WNT9B: variants seen among roughly 807,000 people sequenced by gnomAD.
WNT9B encodes protein Wnt-9b.
Under a neutral mutation model 30.2 loss-of-function variants are expected in WNT9B, and 12 were observed. The ratio of observed to expected loss-of-function variants is 0.40; its 90% CI spans 0.26 to 0.64. WNT9B has a LOEUF of 0.64. WNT9B is among the 30% of genes least tolerant of loss of function. The pLI is 0.42. For synonymous variants in WNT9B, 218 were observed against 216.9 expected (o/e 1.01, Z -0.05); for missense variants, 442 against 485.2 (o/e 0.91, Z 0.84).
intron 1 of WNT9B, among the ~76,000 whole-genome samples, chr17:46,868,671 C>T (rs2085185163): frequency 6.6e-6 from 1 of 152,088 alleles, no homozygotes; most frequent in Admixed American, 6.5e-5. Flanking sequence ...CTAAGGAAGC[C>T]CACTTGAATT....
At chr17:46,845,704 G>A (rs1170028192) in intron 1 of WNT9B, among the ~76,000 whole-genome samples, 3 of 150,902 alleles carry the variant, frequency 2.0e-5, no homozygotes, top group African/African-American at 7.3e-5. Context: ...TGGCCAGGCT[G>A]CTCTCAAACT....
intron 1 of WNT9B, among the ~76,000 whole-genome samples, chr17:46,846,147 C>G (rs1264258674): frequency 6.6e-6 from 1 of 152,192 alleles, no homozygotes; most frequent in East Asian, 1.9e-4. Flanking sequence ...CCTATAACTA[C>G]TAGACAGAAC....
intron 1 of WNT9B, among the ~76,000 whole-genome samples, chr17:46,868,874 A>C (rs920429500): frequency 1.6e-4 from 25 of 152,218 alleles, no homozygotes; most frequent in Non-Finnish European, 5.9e-5. Flanking sequence ...TCTGGGGTCT[A>C]GGAAGATACC....
upstream of WNT9B, among the ~76,000 whole-genome samples, chr17:46,849,865 T>TTTTTTG (rs2084820022): frequency 6.6e-6 from 1 of 151,752 alleles, no homozygotes. Flanking sequence ...TTTTTTGTTT[T>TTTTTTG]GAGATGGAGT....
At position 46,878,847 on chromosome 17, in the gene WNT9B, G is replaced by C. The variant is rs950868878; in HGVS notation, c.*2129G>C. 3.9e-5 allele frequency among the ~76,000 whole-genome samples: 6 copies of C among 152,228 alleles called. No homozygotes were observed. The highest frequency in any genetic ancestry group is 2.1e-4 in the South Asian group (1 of 4,830). On this transcript the variant is annotated 3_prime_UTR_variant, in exon 4 of 4. Coordinates refer to ENST00000290015, the MANE Select transcript of WNT9B (RefSeq NM_003396.3). ...CTCTAAGGCATCTAGGCAGTGGCTG[G>C]CTGCTAACATGGACACCCCAAGTCA...
intron 1 of WNT9B, among the ~76,000 whole-genome samples, chr17:46,841,116 G>A (rs564054931): frequency 6.6e-6 from 1 of 152,152 alleles, no homozygotes. Flanking sequence ...CGACAGACAA[G>A]GCTCCTTGGA....
intron 1 of WNT9B, among the ~76,000 whole-genome samples, chr17:46,838,487 C>G (rs1306365049): frequency 6.6e-6 from 1 of 151,922 alleles, no homozygotes; most frequent in African/African-American, 2.4e-5. Context: ...ATTAGCTGGG[C>G]ATGGTGGTAT....
At chr17:46,873,103 CACACACA>C (rs937704924) in intron 2 of WNT9B, among the ~76,000 whole-genome samples, 2 of 151,016 alleles carry the variant, frequency 1.3e-5, no homozygotes, top group Non-Finnish European at 3.0e-5. Flanking sequence ...CACACACACA[CACACACA>C]CACACACACA....
chr17:46,836,473 T>C (rs559977389), intron 1 of WNT9B, among the ~76,000 whole-genome samples: 4 of 152,126 alleles, frequency 2.6e-5, no homozygotes, highest in African/African-American at 9.7e-5. Context: ...TGAATATCTT[T>C]GTGTTTTTTT....
In WNT9B at chr17:46,872,887, G is replaced by C. The variant is rs11654424; in HGVS notation, c.334+114G>C. On this transcript the variant is annotated intron_variant, in intron 2 of 3. Transcript: ENST00000290015. ...CTGGCTCCCGTGCCCAGGCCACACTGCCCTTCCTGCCCTAGCACGGTCCCA... is the reference window on the plus strand; with the variant it reads ...CTGGCTCCCGTGCCCAGGCCACACTCCCCTTCCTGCCCTAGCACGGTCCCA... 26 of 1,257,116 alleles carry C rather than the reference G, an allele frequency of 2.1e-5. No homozygotes were observed. The African/African-American group carries it at 3.8e-4, about 18-fold the overall frequency. The allele number at this position is 1,257,116 out of a possible 1,614,324, so 77.9% of individuals were successfully genotyped here. A position where few individuals can be genotyped will look rare whatever the true frequency, so the allele number is the denominator to read the frequency against.
intron 2 of WNT9B, among the ~76,000 whole-genome samples, chr17:46,874,288 G>A (rs1257987887): frequency 6.6e-6 from 1 of 152,202 alleles, no homozygotes; most frequent in African/African-American, 2.4e-5. Flanking sequence ...ATTCCACAGT[G>A]GGTAGCAGAG....
In WNT9B at chr17:46,851,809, T is replaced by C; in HGVS notation, c.77+94T>C. ...GCCAATTTTTCCCTCCCGCTGTCCT[T>C]GGCCCCGCCGAGGTCTCGAACTCAG... On this transcript the variant is annotated intron_variant, in intron 1 of 3. Coordinates refer to ENST00000290015, the MANE Select transcript of WNT9B (RefSeq NM_003396.3). This position sits in a 1 kb window ranked among gnomAD's most constrained non-coding sequence, Gnocchi z 4.3. The C allele has an allele frequency of 1.6e-6, 1 of 639,136 alleles. No homozygotes were observed. The highest frequency in any genetic ancestry group is 2.2e-6 in the Non-Finnish European group (1 of 446,092). 39.6% of individuals were successfully genotyped at this position (639,136 alleles called of 1,614,324 possible).
intron 1 of WNT9B, among the ~76,000 whole-genome samples, chr17:46,856,849 T>G (rs978131824): frequency 1.3e-5 from 2 of 152,228 alleles, no homozygotes; most frequent in African/African-American, 4.8e-5. Flanking sequence ...AACACATTTG[T>G]GGTGACTCCA....
intron 1 of WNT9B, among the ~76,000 whole-genome samples, chr17:46,845,677 G>A (rs567345455): frequency 7.6e-4 from 115 of 151,358 alleles, no homozygotes; most frequent in African/African-American, 2.6e-3. Flanking sequence ...TTTTAGTAGA[G>A]ATGGGTTTCA....
intron 1 of WNT9B, among the ~76,000 whole-genome samples, chr17:46,861,061 A>C (rs904586335): frequency 6.6e-6 from 1 of 152,088 alleles, no homozygotes; most frequent in African/African-American, 2.4e-5. Context: ...TTGGGGGGAA[A>C]CTGTCAGAAT....
intron 2 of WNT9B, 24 bp downstream of exon 2, chr17:46,872,797 G>T: frequency 2.1e-6 from 3 of 1,398,580 alleles, no homozygotes; most frequent in South Asian, 2.4e-5. Context: ...CTAGGGGACG[G>T]GGAGGGCTGG....
downstream of WNT9B, among the ~76,000 whole-genome samples, chr17:46,883,730 G>A (rs899186656): frequency 4.6e-5 from 7 of 152,206 alleles, no homozygotes; most frequent in African/African-American, 1.4e-4. Context: ...GAGAGACGGG[G>A]TATGAGGGAG....
At chr17:46,880,742 G>A (rs1324184097), downstream of WNT9B, among the ~76,000 whole-genome samples, 2 of 152,152 alleles carry the variant, frequency 1.3e-5, no homozygotes, top group East Asian at 3.9e-4. Context: ...CTGTACACTG[G>A]TATAGGTCGG....
intron 1 of WNT9B, among the ~76,000 whole-genome samples, chr17:46,845,128 C>T (rs550073906): frequency 9.2e-5 from 14 of 152,276 alleles, no homozygotes; most frequent in African/African-American, 3.4e-4. Context: ...GGATTACAGG[C>T]GTAAGCCACA....
Sources: allele counts gnomAD v4.1 joint callset (sites outside exome capture counted in the v4.1 genomes callset), GRCh38; gene constraint gnomAD v4.1.1; non-coding constraint Gnocchi (gnomAD v3.1); transcripts MANE v1.5; gene names NCBI Gene and HGNC (gene_info 2026-07-23, HGNC 2026-07-21).